Variants in CPEB2 observed in about 807,000 individuals in gnomAD.
The protein encoded by CPEB2 is cytoplasmic polyadenylation element-binding protein 2.
Under a neutral mutation model 93.6 loss-of-function variants are expected in CPEB2, and 56 were observed. The ratio of observed to expected loss-of-function variants is 0.60; its 90% CI spans 0.48 to 0.75. The LOEUF (loss-of-function observed/expected upper bound fraction) is 0.75, where lower values mean the gene tolerates loss of function less well. Ranked by LOEUF, CPEB2 falls within the 30% of genes least tolerant of loss-of-function variation. The pLI, the probability that CPEB2 is intolerant of heterozygous loss-of-function variation, is 0.00. For synonymous variants in CPEB2, 764 were observed against 586.3 expected (o/e 1.30, Z -4.38); for missense variants, 1,579 against 1,395.1 (o/e 1.13, Z -2.10).
At chr4:15,054,278 A>G (rs1728515419) in intron 8 of CPEB2, 61 bp downstream of exon 8, 1 of 1,153,532 alleles carries the variant, frequency 8.7e-7, no homozygotes, top group Non-Finnish European at 1.3e-6. Flanking sequence ...AAAAGAAAGA[A>G]TAGCAATTAC....
intron 6 of CPEB2, among the ~76,000 whole-genome samples, chr4:15,045,371 G>C (rs1327747205): frequency 6.6e-6 from 1 of 151,936 alleles, no homozygotes; most frequent in Non-Finnish European, 1.5e-5. Flanking sequence ...ATAAATACCT[G>C]TACATATGTG....
intron 8 of CPEB2, among the ~76,000 whole-genome samples, chr4:15,055,936 G>T (rs192609082): frequency 2.0e-5 from 3 of 152,188 alleles, no homozygotes; most frequent in Non-Finnish European, 1.5e-5. Context: ...AAACATTGAG[G>T]ATCTACCAAA....
intron 6 of CPEB2, among the ~76,000 whole-genome samples, chr4:15,050,745 C>G (rs1367624037): frequency 4.6e-5 from 7 of 152,032 alleles, no homozygotes; most frequent in Non-Finnish European, 7.4e-5. Context: ...CTTTTCTTAC[C>G]ACTCCTTTCT....
chr4:15,035,587 GA>G (rs940434104), intron 5 of CPEB2, among the ~76,000 whole-genome samples: 6 of 152,098 alleles, frequency 3.9e-5, no homozygotes, highest in Non-Finnish European at 8.8e-5. Context: ...AAACTTAAGA[GA>G]AAACATAACT....
Position 15,003,909 on chromosome 4 carries a change from G to A in CPEB2, c.1236G>A (p.Pro412=). The A allele has an allele frequency of 5.2e-6, 5 of 967,286 alleles. No individual in the cohort carries two copies. The highest frequency in any genetic ancestry group is 4.0e-6 in the Non-Finnish European group (3 of 746,634). 59.9% of individuals were successfully genotyped at this position (967,286 alleles called of 1,614,324 possible). A position where few individuals can be genotyped will look rare whatever the true frequency, so the allele number is the denominator to read the frequency against. ...AGCAGCCGCCGCCACCCCAGCAGCC[G>A]CCCCAGCCGCAGCCGCAGCCGCCCG... ...PQQQPPPPQQ[P]PQPQPQPPGS... is the part of the protein sequence containing the mutation. The change falls in exon 1 of 12, where the codon CCG becomes CCA. Residue 412 remains proline (P), a synonymous_variant. Transcript: ENST00000538197.
At chr4:15,054,880 A>T (rs995260092) in intron 8 of CPEB2, among the ~76,000 whole-genome samples, 7 of 151,902 alleles carry the variant, frequency 4.6e-5, no homozygotes, top group Non-Finnish European at 7.4e-5. Context: ...TGAAATGAAT[A>T]AAAAAAAGAG....
At chr4:15,039,517 C>CTTTG (rs34507753) in intron 5 of CPEB2, among the ~76,000 whole-genome samples, 37,095 of 151,618 alleles carry the variant, frequency 0.24, 6,599 homozygotes, top group African/African-American at 0.5. Context: ...TTTTAACAGT[C>CTTTG]TTTGTTTGTT....
At chr4:15,056,538 A>G (rs1304473166) in intron 8 of CPEB2, among the ~76,000 whole-genome samples, 6 of 152,216 alleles carry the variant, frequency 3.9e-5, no homozygotes, top group East Asian at 1.9e-4. Context: ...CTGGCAAATC[A>G]TAGTTTTTTT....
intron 1 of CPEB2, chr4:15,005,067 GCC>G (rs1722623078): frequency 6.6e-6 from 1 of 152,148 alleles, no homozygotes; most frequent in Non-Finnish European, 1.5e-5. Flanking sequence ...ACCCTGGGCC[GCC>G]GGCCCAGGAG....
rs768031560 is a variant in CPEB2, at chr4:15,007,596, G to A, written c.1944+10G>A. ...ACTCTTACCCTTACAGGTAAGAATG[G>A]TATGTAAATGACCTTATCTCTAATG... is the stretch of plus-strand genomic sequence containing the variant. On this transcript the variant is annotated intron_variant, in intron 2 of 11. Transcript: ENST00000538197. 6.6e-7 allele frequency: 1 copy of A among 1,518,502 alleles called. No individual in the cohort carries two copies. 94.1% of individuals were successfully genotyped at this position (1,518,502 alleles called of 1,614,324 possible). A position where few individuals can be genotyped will look rare whatever the true frequency, so the allele number is the denominator to read the frequency against.
intron 5 of CPEB2, among the ~76,000 whole-genome samples, chr4:15,038,842 G>C (rs1047819525): frequency 2.6e-5 from 4 of 152,152 alleles, no homozygotes; most frequent in Non-Finnish European, 4.4e-5. Flanking sequence ...ACCCGCCTCA[G>C]CTTCCCAAAG....
Position 15,003,882 on chromosome 4 carries a change from G to C in CPEB2, c.1209G>C (p.Gln403His). The C allele has an allele frequency of 1.1e-6, 1 of 871,072 alleles. No individual in the cohort carries two copies. The highest frequency in any genetic ancestry group is 1.5e-6 in the Non-Finnish European group (1 of 661,064). The allele number at this position is 871,072 out of a possible 1,614,324, so 54.0% of individuals were successfully genotyped here. A position where few individuals can be genotyped will look rare whatever the true frequency, so the allele number is the denominator to read the frequency against. Residue 403 changes from glutamine to histidine, a missense_variant, in exon 1 of 12, where the codon CAG becomes CAC. Coordinates refer to ENST00000538197, the MANE Select transcript of CPEB2 (RefSeq NM_001177382.2). The stretch of plus-strand genomic sequence containing the variant: ...AGCAGCCGCCGCCGACCCAGCCGCA[G>C]CAGCAGCCGCCGCCACCCCAGCAGC... ...QPQQPPPTQP[Q>H]QQPPPPQQPP...
intron 10 of CPEB2, 61 bp from the exon 11 acceptor site, chr4:15,062,018 T>A: frequency 7.0e-7 from 1 of 1,428,408 alleles, no homozygotes; most frequent in Non-Finnish European, 9.5e-7. Flanking sequence ...CAAAAAGTAC[T>A]TAAAAATTGT....
At chr4:15,037,347 TCTCCTTAGTTTTGG>T (rs1726720018) in intron 5 of CPEB2, among the ~76,000 whole-genome samples, 1 of 152,068 alleles carries the variant, frequency 6.6e-6, no homozygotes, top group Admixed American at 6.5e-5. Flanking sequence ...AGCATGGTTC[TCTCCTTAGTTTTGG>T]CTTTTTCACA....
chr4:15,015,122 G>C (rs905080375), intron 3 of CPEB2, among the ~76,000 whole-genome samples: 9 of 152,036 alleles, frequency 5.9e-5, no homozygotes, highest in African/African-American at 2.2e-4. Flanking sequence ...CAGACCAGCA[G>C]AATCAGTATC....
At position 15,062,222 on chromosome 4, in the gene CPEB2, C is replaced by T. The variant is rs1577473243; in HGVS notation, c.2839C>T (p.Arg947Trp). ...GAGCTATATTGCTGCCATTAGTGCT[C>T]GGTTTGTTCAGCTTCAGCATGGTGA... is the stretch of plus-strand genomic sequence containing the variant. ...QQSYIAAISARFVQLQHGDID... is the reference protein window; with the variant it reads ...QQSYIAAISAWFVQLQHGDID... The change falls in exon 11 of 12, where the codon CGG becomes TGG. Residue 947 changes from arginine (R) to tryptophan (W), a missense_variant. By Grantham distance (101) the Arg-to-Trp change is moderately radical. Transcript: ENST00000538197. 6.2e-7 allele frequency: 1 copy of T among 1,611,624 alleles called. No homozygotes were observed. The highest frequency in any genetic ancestry group is 8.5e-7 in the Non-Finnish European group (1 of 1,178,486).
chr4:15,036,204 G>A (rs961978296), intron 5 of CPEB2, among the ~76,000 whole-genome samples: 4 of 152,014 alleles, frequency 2.6e-5, no homozygotes, highest in African/African-American at 4.8e-5. Context: ...ATAAATACCT[G>A]TATATCTCAT....
intron 4 of CPEB2, among the ~76,000 whole-genome samples, chr4:15,018,976 G>GCA (rs1194992377): frequency 1.7e-5 from 2 of 116,800 alleles, no homozygotes; most frequent in African/African-American, 3.1e-5. Flanking sequence ...ATATACACAC[G>GCA]CACACACACA....
intron 6 of CPEB2, among the ~76,000 whole-genome samples, chr4:15,044,919 A>G (rs1461365277): frequency 3.3e-5 from 5 of 152,108 alleles, no homozygotes; most frequent in Non-Finnish European, 5.9e-5. Flanking sequence ...ATTCATCTAT[A>G]ATCTTTATTA....
Sources: allele counts gnomAD v4.1 joint callset (sites outside exome capture counted in the v4.1 genomes callset), GRCh38; gene constraint gnomAD v4.1.1; transcripts MANE v1.5; gene names NCBI Gene and HGNC (gene_info 2026-07-23, HGNC 2026-07-21).